The following ATF7IP2 variants were observed in gnomAD, a reference collection of about 807,000 sequenced individuals.
ATF7IP2 encodes activating transcription factor 7-interacting protein 2.
A neutral mutation model predicts 64.2 loss-of-function variants in ATF7IP2; 42 were observed. The observed-to-expected ratio is 0.65, with a 90% CI of 0.51 to 0.85. The LOEUF (loss-of-function observed/expected upper bound fraction) is 0.85. ATF7IP2 is among the 40% of genes least tolerant of loss of function. ATF7IP2 has a pLI of 0.00. For missense variants in ATF7IP2, 933 were observed against 784.2 expected, an observed-to-expected ratio of 1.19 and a Z score of -2.27; for synonymous variants, 308 against 272.8, an observed-to-expected ratio of 1.13 and a Z score of -1.27.
intron 1 of ATF7IP2, among the ~76,000 whole-genome samples, chr16:10,393,782 T>A (rs1226108325): frequency 6.6e-6 from 1 of 152,216 alleles, no homozygotes; most frequent in Non-Finnish European, 1.5e-5. Flanking sequence ...GTACAGTGGC[T>A]CATGTCTGGA....
At chr16:10,477,131 A>G (rs537987827) in intron 12 of ATF7IP2, among the ~76,000 whole-genome samples, 89 of 152,352 alleles carry the variant, frequency 5.8e-4, no homozygotes, top group African/African-American at 1.9e-3. Flanking sequence ...ATACAGCAGA[A>G]GAAACTATCA....
intron 8 of ATF7IP2, chr16:10,448,584 C>G (rs2048885764): frequency 6.6e-6 from 1 of 152,070 alleles, no homozygotes; most frequent in South Asian, 2.1e-4. Flanking sequence ...TATAGGAATG[C>G]TTGTGATTTT....
chr16:10,399,834 C>T (rs1274675645), intron 1 of ATF7IP2, among the ~76,000 whole-genome samples: 1 of 152,058 alleles, frequency 6.6e-6, no homozygotes, highest in Non-Finnish European at 1.5e-5. Flanking sequence ...GGATATTTTT[C>T]CATTTGTGTC....
chr16:10,419,368 G>A (rs991270828), intron 2 of ATF7IP2, among the ~76,000 whole-genome samples: 6 of 152,198 alleles, frequency 3.9e-5, no homozygotes, highest in African/African-American at 1.2e-4. Context: ...CTGTAGGACC[G>A]AGCATCCAAG....
intron 8 of ATF7IP2, chr16:10,447,117 C>G (rs2048834384): frequency 6.6e-6 from 1 of 152,262 alleles, no homozygotes; most frequent in Non-Finnish European, 1.5e-5. Flanking sequence ...AGATTGGACT[C>G]ACTCACTCTG....
At position 10,482,417 on chromosome 16, in the gene ATF7IP2, G is replaced by A. The variant is rs2142121140; in HGVS notation, c.*168G>A. 1.8e-6 allele frequency: 1 copy of A among 557,918 alleles called. No individual in the cohort carries two copies. Among genetic ancestry groups the A allele is most frequent in the Non-Finnish European group, 3.1e-6 (1 of 323,544 alleles). 34.6% of individuals were successfully genotyped at this position (557,918 alleles called of 1,614,324 possible). A position where few individuals can be genotyped will look rare whatever the true frequency, so the allele number is the denominator to read the frequency against. On this transcript the variant is annotated 3_prime_UTR_variant, in exon 14 of 14. Transcript: ENST00000562102. ...TGGCCAGTAATTTAATGAATTTCTG[G>A]TTTGTATTAAATATGTCCTTCCAAT... is the stretch of plus-strand genomic sequence containing the variant.
intron 6 of ATF7IP2, among the ~76,000 whole-genome samples, chr16:10,433,913 T>C (rs2048336568): frequency 6.6e-6 from 1 of 152,170 alleles, no homozygotes; most frequent in Non-Finnish European, 1.5e-5. Context: ...GAGAATGGGC[T>C]TTCAGTCAGT....
At chr16:10,463,635 T>C (rs2049448388) in intron 9 of ATF7IP2, among the ~76,000 whole-genome samples, 2 of 152,118 alleles carry the variant, frequency 1.3e-5, no homozygotes, top group African/African-American at 4.8e-5. Context: ...GCCAACATCC[T>C]GACTGCAACC....
intron 10 of ATF7IP2, among the ~76,000 whole-genome samples, chr16:10,472,683 C>A (rs908153036): frequency 6.6e-6 from 1 of 151,878 alleles, no homozygotes; most frequent in East Asian, 1.9e-4. Flanking sequence ...AAATGAAACC[C>A]CATCTGTATT....
In ATF7IP2 at chr16:10,469,460, A is replaced by T. The variant is rs563992286; in HGVS notation, c.1353-2650A>T. The stretch of plus-strand genomic sequence containing the variant: ...CCATAAATGAAAAAATGTTAAATTC[A>T]AGCAGAAGAAACATGAAAGCATACA... On this transcript the variant is annotated intron_variant, in intron 9 of 13. Transcript: ENST00000562102. Among the ~76,000 whole-genome samples, 5 of 152,112 alleles carry T rather than the reference A, an allele frequency of 3.3e-5. No homozygotes were observed. In the South Asian group the frequency reaches 8.3e-4, roughly 25 times the overall value.
chr16:10,396,884 C>G (rs1312825975), intron 1 of ATF7IP2, among the ~76,000 whole-genome samples: 2 of 151,876 alleles, frequency 1.3e-5, no homozygotes, highest in East Asian at 1.9e-4. Flanking sequence ...CCAGGGTGGT[C>G]TCAAACTCCT....
intron 1 of ATF7IP2, among the ~76,000 whole-genome samples, chr16:10,396,597 A>G (rs2047423607): frequency 6.6e-6 from 1 of 151,934 alleles, no homozygotes; most frequent in Non-Finnish European, 1.5e-5. Context: ...ATCTTTGCTC[A>G]CTGCAGCGTC....
chr16:10,414,695 T>G, intron 2 of ATF7IP2, 83 bp downstream of exon 2: 1 of 149,814 alleles, frequency 6.7e-6, no homozygotes, highest in African/African-American at 2.5e-5. Flanking sequence ...TTAAGGAACC[T>G]TGTTTTGTCA....
chr16:10,452,760 T>C (rs2049027325), intron 8 of ATF7IP2, among the ~76,000 whole-genome samples: 1 of 152,122 alleles, frequency 6.6e-6, no homozygotes, highest in Non-Finnish European at 1.5e-5. Context: ...CCCTGCTGCC[T>C]TTTTTTCAGA....
chr16:10,481,662 T>C (rs148481024), intron 13 of ATF7IP2, among the ~76,000 whole-genome samples, 174 bp from the exon 14 acceptor site: 1 of 152,334 alleles, frequency 6.6e-6, no homozygotes, highest in African/African-American at 2.4e-5. Context: ...TTCCAGGATA[T>C]AGAAATCTTA....
In ATF7IP2 at chr16:10,454,642, G is replaced by A. The variant is rs377397458; in HGVS notation, c.1195-2730G>A. ...TTAGTTATAATTTGTTCTTTTTCCA[G>A]GTTCTTAAGAGACCTTTTCTAACAT... On this transcript the variant is annotated intron_variant, in intron 8 of 13. Transcript: ENST00000562102. Among the ~76,000 whole-genome samples, 4 of 151,590 alleles carry A rather than the reference G, an allele frequency of 2.6e-5. No homozygotes were observed. In the East Asian group the frequency reaches 7.7e-4, roughly 29 times the overall value.
intron 1 of ATF7IP2, among the ~76,000 whole-genome samples, chr16:10,403,514 G>A (rs75854130): frequency 2.6e-5 from 4 of 152,148 alleles, no homozygotes; most frequent in African/African-American, 4.8e-5. Flanking sequence ...TGTGTCTCTG[G>A]ATGTGCAGAA....
intron 1 of ATF7IP2, among the ~76,000 whole-genome samples, chr16:10,399,707 T>C (rs2047490290): frequency 6.6e-6 from 1 of 152,260 alleles, no homozygotes; most frequent in Admixed American, 6.5e-5. Context: ...TCAAGACTTT[T>C]TTGTAATTCA....
chr16:10,435,082 A>T (rs1388884292), intron 6 of ATF7IP2, among the ~76,000 whole-genome samples: 1 of 152,152 alleles, frequency 6.6e-6, no homozygotes, highest in African/African-American at 2.4e-5. Context: ...GTAACTTCTG[A>T]TGTGTACATA....
Sources: gnomAD v4.1 joint callset for allele counts (sites outside exome capture counted in the v4.1 genomes callset) on GRCh38, gnomAD v4.1.1 for gene constraint, MANE v1.5 for transcripts, NCBI Gene and HGNC (gene_info 2026-07-23, HGNC 2026-07-21) for gene names.